Variants in CEP97 observed in about 807,000 individuals in gnomAD.
CEP97 encodes centrosomal protein 97.
Under a neutral mutation model 73.1 loss-of-function variants are expected in CEP97, and 43 were observed. The ratio of observed to expected loss-of-function variants is 0.59; its 90% confidence interval spans 0.46 to 0.76. CEP97 has a LOEUF of 0.76. Ranked by LOEUF, CEP97 falls within the 30% of genes least tolerant of loss-of-function variation. The probability of loss-of-function intolerance (pLI) is 0.00; values close to 1 mark genes in which losing one functional copy is unlikely to be tolerated. For synonymous variants in CEP97, 337 were observed against 370.0 expected (o/e 0.91, Z 1.02); for missense variants, 939 against 1,014.0 (o/e 0.93, Z 1.00).
chr3:101,736,424 G>A (rs1938278010), intron 6 of CEP97, among the ~76,000 whole-genome samples: 1 of 152,198 alleles, frequency 6.6e-6, no homozygotes, highest in African/African-American at 2.4e-5. Context: ...CCCAGCAACG[G>A]TTGACAGACA....
intron 6 of CEP97, among the ~76,000 whole-genome samples, chr3:101,735,355 C>G (rs1011087709): frequency 6.6e-6 from 1 of 152,150 alleles, no homozygotes; most frequent in African/African-American, 2.4e-5. Flanking sequence ...GGGGTAGCCT[C>G]TCTCTCTGGG....
At chr3:101,742,023 C>T (rs1364760642) in intron 6 of CEP97, among the ~76,000 whole-genome samples, 1 of 144,022 alleles carries the variant, frequency 6.9e-6, no homozygotes, top group Non-Finnish European at 1.5e-5. Context: ...GCCTGGGTGA[C>T]AGAGTGAGAC....
At position 101,764,994 on chromosome 3, in the gene CEP97, G is replaced by T. The variant is rs1405314603; in HGVS notation, c.2041G>T (p.Asp681Tyr). 1.7e-5 allele frequency: 27 copies of T among 1,614,128 alleles called. No individual in the cohort carries two copies. The highest frequency in any genetic ancestry group is 2.2e-5 in the Non-Finnish European group (26 of 1,180,026). ...GGAGTCCTCTTGTGATCAAAATGCT[G>T]ATTGGTTTATTGCTTCTGATGTAGC... ...SQESSCDQNA[D>Y]WFIASDVAPQ... Residue 681 changes from aspartate to tyrosine, a missense_variant, in exon 11 of 11, where the codon GAT becomes TAT. By Grantham distance (160) the Asp-to-Tyr change is radical (BLOSUM62 -3). Coordinates refer to ENST00000341893, the MANE Select transcript of CEP97 (RefSeq NM_024548.4).
intron 9 of CEP97, among the ~76,000 whole-genome samples, chr3:101,759,667 G>A (rs947227505): frequency 2.6e-5 from 4 of 152,120 alleles, no homozygotes; most frequent in Admixed American, 2.6e-4. Flanking sequence ...TATCTCCCAG[G>A]AGTCAGTCAA....
intron 8 of CEP97, 101 bp downstream of exon 8, chr3:101,757,297 GT>G: frequency 7.6e-7 from 1 of 1,316,674 alleles, no homozygotes. Context: ...TTTTTTGTTA[GT>G]TTACTAACTT....
chr3:101,725,419 A>G (rs1937847139), intron 1 of CEP97, among the ~76,000 whole-genome samples: 1 of 152,174 alleles, frequency 6.6e-6, no homozygotes, highest in African/African-American at 2.4e-5. Flanking sequence ...AATCGGGGAC[A>G]GGGCCCAGGG....
At chr3:101,764,381 G>T (rs918730334) in intron 10 of CEP97, among the ~76,000 whole-genome samples, 1 of 152,186 alleles carries the variant, frequency 6.6e-6, no homozygotes. Context: ...GGAGGCCAAG[G>T]TGGGCGGATC....
intron 2 of CEP97, among the ~76,000 whole-genome samples, chr3:101,727,015 T>G (rs1937913032): frequency 6.6e-6 from 1 of 152,208 alleles, no homozygotes; most frequent in Non-Finnish European, 1.5e-5. Context: ...AAGAGTTCAT[T>G]CATTCCTTCA....
chr3:101,748,171 C>A, intron 6 of CEP97, among the ~76,000 whole-genome samples: 2 of 137,662 alleles, frequency 1.5e-5, no homozygotes. Context: ...TATGTTAGAG[C>A]TGAATGAGTC....
At chr3:101,760,222 G>A (rs140075783) in intron 9 of CEP97, among the ~76,000 whole-genome samples, 6 of 152,200 alleles carry the variant, frequency 3.9e-5, no homozygotes, top group Non-Finnish European at 5.9e-5. Context: ...ATAAGATGTG[G>A]TCAACACCTG....
chr3:101,725,361 C>T (rs1057000682), intron 1 of CEP97, among the ~76,000 whole-genome samples: 11 of 152,146 alleles, frequency 7.2e-5, no homozygotes, highest in Admixed American at 3.9e-4. Context: ...ACGCGAGCTG[C>T]TTTTGTTTTG....
chr3:101,742,041 C>CA (rs1387449559), intron 6 of CEP97, among the ~76,000 whole-genome samples: 2,956 of 81,888 alleles, frequency 0.036, 64 homozygotes, highest in East Asian at 0.17. Flanking sequence ...GACTCCGTCT[C>CA]AAAAAAAAAA....
intron 6 of CEP97, among the ~76,000 whole-genome samples, chr3:101,743,794 G>C (rs1217926357): frequency 6.6e-6 from 1 of 152,090 alleles, no homozygotes; most frequent in Non-Finnish European, 1.5e-5. Flanking sequence ...ACTGAGGTCG[G>C]GAGTTTGAGA....
chr3:101,727,634 A>G (rs1255781003), intron 3 of CEP97, 93 bp downstream of exon 3: 9 of 1,012,664 alleles, frequency 8.9e-6, no homozygotes, highest in Non-Finnish European at 1.3e-5. Flanking sequence ...GAAAGTACCC[A>G]CTCCCACTCT....
At chr3:101,761,697 A>C (rs935990435) in intron 9 of CEP97, among the ~76,000 whole-genome samples, 6 of 152,154 alleles carry the variant, frequency 3.9e-5, no homozygotes, top group African/African-American at 1.4e-4. Context: ...AAGTTCAGAG[A>C]GAGATGGAGT....
intron 6 of CEP97, among the ~76,000 whole-genome samples, chr3:101,750,723 A>G (rs1025110301): frequency 3.9e-5 from 6 of 152,030 alleles, no homozygotes; most frequent in African/African-American, 1.4e-4. Flanking sequence ...GTATTCTCTG[A>G]TGGTAGTTTG....
chr3:101,748,219 A>G (rs1217815610), intron 6 of CEP97, among the ~76,000 whole-genome samples: 1 of 149,606 alleles, frequency 6.7e-6, no homozygotes, highest in Non-Finnish European at 1.5e-5. Flanking sequence ...ATTTTAATTG[A>G]CAGGGAGTTT....
At position 101,757,177 on chromosome 3, in the gene CEP97, C is replaced by G; in HGVS notation, c.1008C>G (p.Cys336Trp). Residue 336 changes from cysteine to tryptophan, a missense_variant, in exon 8 of 11, where the codon TGC becomes TGG. Physicochemically the swap from Cys to Trp is radical, Grantham distance 215. Transcript: ENST00000341893. ...AGCATTCAAGCCCTGTTCAAGATTG[C>G]CAGATATCCCAGGAAAGTGGTAAGA... ...IPEHSSPVQD[C>W]QISQESEPVI... 9 of 1,604,374 alleles carry G rather than the reference C, an allele frequency of 5.6e-6. No homozygotes were observed. The highest frequency in any genetic ancestry group is 7.6e-6 in the Non-Finnish European group (9 of 1,177,284).
intron 9 of CEP97, among the ~76,000 whole-genome samples, chr3:101,761,516 C>T (rs1939177555): frequency 6.6e-6 from 1 of 152,002 alleles, no homozygotes; most frequent in African/African-American, 2.4e-5. Context: ...TACTTGACAA[C>T]GAATTTTGGG....
Sources: allele counts gnomAD v4.1 joint callset (sites outside exome capture counted in the v4.1 genomes callset), GRCh38; gene constraint gnomAD v4.1.1; transcripts MANE v1.5; gene names NCBI Gene and HGNC (gene_info 2026-07-23, HGNC 2026-07-21).